The following AMBRA1 variants were observed in gnomAD, a reference collection of about 807,000 sequenced individuals.
AMBRA1 encodes autophagy and beclin 1 regulator 1.
Under a neutral mutation model 125.4 loss-of-function variants are expected in AMBRA1, and 47 were observed. That is an observed-to-expected ratio of 0.37 (90% CI 0.30 to 0.48). The LOEUF is 0.48. Ranked by LOEUF, AMBRA1 falls within the 20% of genes least tolerant of loss-of-function variation. The pLI, the probability that AMBRA1 is intolerant of heterozygous loss-of-function variation, is 0.99. For synonymous variants in AMBRA1, 626 were observed against 655.5 expected, an observed-to-expected ratio of 0.95 and a Z score of 0.69; for missense variants, 1,331 against 1,693.4, an observed-to-expected ratio of 0.79 and a Z score of 3.76.
intron 1 of AMBRA1, among the ~76,000 whole-genome samples, chr11:46,551,720 T>A (rs1158369860): frequency 1.3e-5 from 2 of 148,990 alleles, no homozygotes; most frequent in Non-Finnish European, 3.0e-5. Context: ...AATACAAAAT[T>A]TACTCTACTA....
chr11:46,548,398 G>A lies in AMBRA1; in HGVS notation c.-18C>T, dbSNP rs1441332813. On this transcript the variant is annotated 5_prime_UTR_variant, in exon 2 of 18. Transcript: ENST00000683756. ...ACCTTCATGGCGCTCAGTAGCCACT[G>A]TCACACCAGGCCCAGGAAATGAAGG... 35 of 1,612,890 alleles carry A rather than the reference G, an allele frequency of 2.2e-5. No individual in the cohort carries two copies. The highest frequency in any genetic ancestry group is 2.8e-5 in the Non-Finnish European group (33 of 1,179,954).
chr11:46,551,934 T>A (rs1324188620), intron 1 of AMBRA1, among the ~76,000 whole-genome samples: 2 of 146,236 alleles, frequency 1.4e-5, no homozygotes, highest in South Asian at 2.2e-4. Context: ...AGGCTGAGGC[T>A]GGAGAATCGC....
intron 7 of AMBRA1, among the ~76,000 whole-genome samples, chr11:46,541,050 G>A (rs927516923): frequency 1.3e-5 from 2 of 152,234 alleles, no homozygotes; most frequent in African/African-American, 4.8e-5. Context: ...GACAGAGGAT[G>A]TAATGCAGCG....
At chr11:46,404,577 G>A (rs887559028) in intron 17 of AMBRA1, among the ~76,000 whole-genome samples, 1 of 152,228 alleles carries the variant, frequency 6.6e-6, no homozygotes, top group Non-Finnish European at 1.5e-5. Flanking sequence ...TGGAACAGCT[G>A]TGGGTACAGG....
chr11:46,504,654 G>A (rs1177124233), intron 9 of AMBRA1: 2 of 152,188 alleles, frequency 1.3e-5, no homozygotes, highest in Non-Finnish European at 2.9e-5. Flanking sequence ...GCCTGCCCAG[G>A]AAGATGGTCA....
intron 11 of AMBRA1, among the ~76,000 whole-genome samples, chr11:46,478,025 G>GA (rs879284672): frequency 3.1e-4 from 44 of 143,452 alleles, no homozygotes; most frequent in South Asian, 8.8e-4. Context: ...ACTGGTGAAT[G>GA]AAAAAAAAAA....
chr11:46,494,353 G>A (rs1021782689), intron 9 of AMBRA1, 149 bp from the exon 10 acceptor site: 4 of 590,464 alleles, frequency 6.8e-6, no homozygotes, highest in African/African-American at 5.5e-5. Flanking sequence ...TAATTAGGCA[G>A]CACATTAATA....
chr11:46,449,700 A>G (rs1948477524), intron 11 of AMBRA1, among the ~76,000 whole-genome samples: 1 of 152,214 alleles, frequency 6.6e-6, no homozygotes, highest in South Asian at 2.1e-4. Context: ...AGGGCAAAAG[A>G]CCCAGAATAG....
intron 11 of AMBRA1, among the ~76,000 whole-genome samples, chr11:46,492,260 T>G (rs1749496993): frequency 6.6e-6 from 1 of 152,190 alleles, no homozygotes; most frequent in Non-Finnish European, 1.5e-5. Flanking sequence ...CACTGAGGTT[T>G]CTGGAATTTC....
chr11:46,414,679 A>G (rs1200099709), intron 15 of AMBRA1, among the ~76,000 whole-genome samples: 1 of 152,028 alleles, frequency 6.6e-6, no homozygotes, highest in Admixed American at 6.5e-5. Flanking sequence ...AGCCAGAGGC[A>G]CAGCAGCAGC....
chr11:46,397,990 G>A, intron 17 of AMBRA1, 47 bp from the exon 18 acceptor site: 1 of 1,533,366 alleles, frequency 6.5e-7, no homozygotes, highest in Non-Finnish European at 8.8e-7. Flanking sequence ...TGCTGGCCTG[G>A]GCCTCTGAGG....
chr11:46,529,200 T>C (rs936463193), intron 7 of AMBRA1, among the ~76,000 whole-genome samples: 2 of 152,218 alleles, frequency 1.3e-5, no homozygotes, highest in Admixed American at 1.3e-4. Flanking sequence ...ATAGTCCATT[T>C]ACATAGTCCA....
chr11:46,533,603 T>C (rs758245069), intron 7 of AMBRA1, among the ~76,000 whole-genome samples: 10 of 152,182 alleles, frequency 6.6e-5, no homozygotes, highest in Non-Finnish European at 1.5e-4. Flanking sequence ...ACAGAACAAG[T>C]CACTCCTCCT....
intron 15 of AMBRA1, among the ~76,000 whole-genome samples, chr11:46,413,475 T>G (rs989786341): frequency 1.3e-5 from 2 of 151,844 alleles, no homozygotes; most frequent in Admixed American, 6.5e-5. Flanking sequence ...CTGAAACTCT[T>G]AGCTTTCTTT....
chr11:46,470,743 A>C (rs901322521), intron 11 of AMBRA1, among the ~76,000 whole-genome samples: 1 of 152,136 alleles, frequency 6.6e-6, no homozygotes, highest in African/African-American at 2.4e-5. Flanking sequence ...AGCCTGGGTG[A>C]CAAGGTGAGA....
chr11:46,435,058 A>C (rs766609568), intron 12 of AMBRA1, 21 bp from the exon 13 acceptor site: 1 of 1,573,240 alleles, frequency 6.4e-7, no homozygotes. Flanking sequence ...CAAAGAAAGA[A>C]AAGAGGATAA....
chr11:46,403,453 C>G (rs944405107), intron 17 of AMBRA1, among the ~76,000 whole-genome samples: 5 of 152,224 alleles, frequency 3.3e-5, no homozygotes, highest in Non-Finnish European at 7.3e-5. Context: ...AATAGTGGGG[C>G]ACAGCCATGC....
chr11:46,426,981 T>C (rs867766856), intron 14 of AMBRA1, among the ~76,000 whole-genome samples: 29 of 152,322 alleles, frequency 1.9e-4, no homozygotes, highest in Middle Eastern at 6.8e-3. Flanking sequence ...TCAGTTTCCT[T>C]AGATTTCTAG....
intron 17 of AMBRA1, among the ~76,000 whole-genome samples, chr11:46,398,598 C>T (rs1945567849): frequency 1.3e-5 from 2 of 152,042 alleles, no homozygotes; most frequent in South Asian, 4.1e-4. Flanking sequence ...CATTCTCCTG[C>T]CTCGGCCTCC....
Sources: allele counts gnomAD v4.1 joint callset (sites outside exome capture counted in the v4.1 genomes callset), GRCh38; gene constraint gnomAD v4.1.1; transcripts MANE v1.5; gene names NCBI Gene and HGNC (gene_info 2026-07-23, HGNC 2026-07-21).